KAZN: variants seen among roughly 807,000 people sequenced by gnomAD.
KAZN encodes the protein kazrin, periplakin interacting protein.
KAZN carries 40 observed loss-of-function variants against 87.4 expected under a neutral mutation model. The ratio of observed to expected loss-of-function variants is 0.46; its 90% CI spans 0.36 to 0.60. KAZN has a LOEUF of 0.60. KAZN is among the 20% of genes least tolerant of loss of function. The pLI is 0.00. For missense variants in KAZN, 898 were observed against 1,073.9 expected (o/e 0.84, Z 2.29); for synonymous variants, 466 against 458.3 (o/e 1.02, Z -0.22).
chr1:14,607,345 G>T (rs1677451101), intron 1 of KAZN, among the ~76,000 whole-genome samples: 1 of 152,158 alleles, frequency 6.6e-6, no homozygotes, highest in Admixed American at 6.5e-5. Flanking sequence ...CTTGCCCAGG[G>T]TCACCGAGCT....
chr1:14,293,068 G>T (rs1389718266), intron 2 of KAZN, among the ~76,000 whole-genome samples: 1 of 152,140 alleles, frequency 6.6e-6, no homozygotes, highest in African/African-American at 2.4e-5. Context: ...GTGCAAACTG[G>T]TTGTCTTCTT....
chr1:14,133,966 A>G (rs965558842), intron 1 of KAZN, among the ~76,000 whole-genome samples: 1 of 152,234 alleles, frequency 6.6e-6, no homozygotes, highest in Non-Finnish European at 1.5e-5. Flanking sequence ...GGGACGACAC[A>G]GTTCTGATTC....
chr1:14,940,971 A>G (rs1272984313), intron 1 of KAZN, among the ~76,000 whole-genome samples: 3 of 125,386 alleles, frequency 2.4e-5, no homozygotes, highest in Non-Finnish European at 4.6e-5. Context: ...GCTGGAGTGC[A>G]GTGGTGCAAT....
At chr1:14,157,678 A>G (rs1396444193) in intron 1 of KAZN, among the ~76,000 whole-genome samples, 1 of 152,110 alleles carries the variant, frequency 6.6e-6, no homozygotes, top group East Asian at 1.9e-4. Flanking sequence ...GTCCTATTGG[A>G]GATTGATTAT....
chr1:14,983,583 C>T (rs1557685274), intron 2 of KAZN, among the ~76,000 whole-genome samples: 1 of 152,072 alleles, frequency 6.6e-6, no homozygotes, highest in Non-Finnish European at 1.5e-5. Flanking sequence ...TAGGGATGTA[C>T]CTTGAGGATA....
intron 2 of KAZN, among the ~76,000 whole-genome samples, chr1:14,186,659 T>A (rs972893688): frequency 6.6e-6 from 1 of 152,152 alleles, no homozygotes; most frequent in African/African-American, 2.4e-5. Flanking sequence ...GGCTTGTTGA[T>A]GGATGGTCTC....
chr1:14,050,131 C>T (rs557972404), intron 1 of KAZN, among the ~76,000 whole-genome samples: 1 of 109,668 alleles, frequency 9.1e-6, no homozygotes, highest in South Asian at 2.5e-4. Flanking sequence ...CATGCATGTG[C>T]ACATGTGTGG....
chr1:14,135,848 C>T (rs1238498063), intron 1 of KAZN, among the ~76,000 whole-genome samples: 3 of 152,118 alleles, frequency 2.0e-5, no homozygotes, highest in Non-Finnish European at 4.4e-5. Context: ...GGAGGCTGCT[C>T]AAAAGATTCC....
chr1:14,296,930 G>T, intron 2 of KAZN, among the ~76,000 whole-genome samples: 1 of 152,018 alleles, frequency 6.6e-6, no homozygotes, highest in African/African-American at 2.4e-5. Flanking sequence ...TTCTTAAAAG[G>T]TGAGTCATGT....
chr1:14,766,704 G>A (rs1399705776), intron 1 of KAZN, among the ~76,000 whole-genome samples: 2 of 149,708 alleles, frequency 1.3e-5, no homozygotes, highest in Non-Finnish European at 3.0e-5. Context: ...GCATCGGCAA[G>A]TGCCAACATT....
chr1:14,265,225 G>A (rs1651382270), intron 2 of KAZN, among the ~76,000 whole-genome samples: 1 of 152,144 alleles, frequency 6.6e-6, no homozygotes, highest in Admixed American at 6.5e-5. Context: ...CACTATTGTG[G>A]CTGAAGAGAT....
chr1:14,466,676 G>A (rs1484509714), intron 2 of KAZN, among the ~76,000 whole-genome samples: 37 of 68,050 alleles, frequency 5.4e-4, no homozygotes, highest in Non-Finnish European at 7.3e-4. Flanking sequence ...AAAAAAAAAA[G>A]AAGAAGAAAC....
At chr1:14,578,154 T>C (rs1366595258) in intron 2 of KAZN, among the ~76,000 whole-genome samples, 2 of 152,122 alleles carry the variant, frequency 1.3e-5, no homozygotes, top group African/African-American at 2.4e-5. Flanking sequence ...GTATAGAATA[T>C]CGGGTCATAT....
At chr1:14,639,436 A>G (rs1680256934) in intron 1 of KAZN, among the ~76,000 whole-genome samples, 1 of 152,220 alleles carries the variant, frequency 6.6e-6, no homozygotes, top group Non-Finnish European at 1.5e-5. Context: ...GAGTGGTCAA[A>G]TGTCCCCTGT....
At position 15,021,115 on chromosome 1, in the gene KAZN, G is replaced by T. The variant is rs937120317; in HGVS notation, c.419-13634G>T. Reference sequence around the variant, plus strand: ...TAGGACACCAAAACCCAGAGAGGGTGCCTGAGTTCCCAAGGCCACACAGCA... The same window carrying T: ...TAGGACACCAAAACCCAGAGAGGGTTCCTGAGTTCCCAAGGCCACACAGCA... On this transcript the variant is annotated intron_variant, in intron 2 of 14. Transcript: ENST00000376030. The surrounding 1 kb of genome is among the most constrained non-coding windows in gnomAD (Gnocchi z 4.2). Among the ~76,000 whole-genome samples the T allele has an allele frequency of 2.7e-4, 41 of 152,150 alleles. No homozygotes were observed. Among genetic ancestry groups the T allele is most frequent in the Admixed American group, 2.6e-3 (39 of 15,278 alleles).
chr1:13,938,112 G>T (rs1331244752), intron 1 of KAZN, among the ~76,000 whole-genome samples: 1 of 152,144 alleles, frequency 6.6e-6, no homozygotes, highest in Non-Finnish European at 1.5e-5. Flanking sequence ...TCTGTAGATT[G>T]CTTTGGGCAG....
intron 2 of KAZN, among the ~76,000 whole-genome samples, chr1:14,300,842 C>T (rs538633947): frequency 2.0e-5 from 3 of 152,298 alleles, no homozygotes; most frequent in South Asian, 2.1e-4. Context: ...ATCCCTAGGA[C>T]GTATCCTACC....
chr1:14,699,705 C>T (rs1385162513), intron 1 of KAZN, among the ~76,000 whole-genome samples: 2 of 152,196 alleles, frequency 1.3e-5, no homozygotes, highest in Non-Finnish European at 2.9e-5. Flanking sequence ...ATGACAAGAA[C>T]GAACCAGCCA....
chr1:14,325,792 C>T (rs1039462143), intron 2 of KAZN, among the ~76,000 whole-genome samples: 1 of 152,184 alleles, frequency 6.6e-6, no homozygotes, highest in Non-Finnish European at 1.5e-5. Flanking sequence ...TATTATAAAA[C>T]ACCATCAAGC....
Sources: allele counts gnomAD v4.1 joint callset (sites outside exome capture counted in the v4.1 genomes callset), GRCh38; gene constraint gnomAD v4.1.1; non-coding constraint Gnocchi (gnomAD v3.1); transcripts MANE v1.5; gene names NCBI Gene and HGNC (gene_info 2026-07-23, HGNC 2026-07-21).